BORCS5: variants seen among roughly 807,000 people sequenced by gnomAD.
BORCS5 encodes the protein BLOC-1 related complex subunit 5.
In BORCS5, 17 loss-of-function variants were observed where a neutral mutation model predicts 22.1. The observed-to-expected ratio is 0.77, with a 90% confidence interval of 0.53 to 1.15. BORCS5 has a LOEUF of 1.15. Ranked by LOEUF, BORCS5 falls within the 50% of genes most tolerant of loss-of-function variation. The pLI is 0.00. For synonymous variants in BORCS5, 117 were observed against 99.8 expected (o/e 1.17, Z -1.03); for missense variants, 247 against 253.2 (o/e 0.98, Z 0.17).
intron 2 of BORCS5, among the ~76,000 whole-genome samples, chr12:12,399,814 C>T (rs1267102934): frequency 2.0e-5 from 3 of 152,136 alleles, no homozygotes; most frequent in African/African-American, 7.2e-5. Flanking sequence ...CAGTTGTTTC[C>T]GTCATGACTT....
chr12:12,424,963 G>A (rs1041527919), intron 2 of BORCS5, among the ~76,000 whole-genome samples: 4 of 152,238 alleles, frequency 2.6e-5, no homozygotes, highest in South Asian at 2.1e-4. Flanking sequence ...TCACTTCAGC[G>A]TGAGTGGGAA....
chr12:12,456,299 C>T (rs1042768406), intron 3 of BORCS5, among the ~76,000 whole-genome samples: 1 of 152,180 alleles, frequency 6.6e-6, no homozygotes, highest in Admixed American at 6.5e-5. Flanking sequence ...GGCATGGTGG[C>T]ATGTGCCTGT....
At chr12:12,375,293 G>A (rs1248472344) in intron 2 of BORCS5, among the ~76,000 whole-genome samples, 3 of 152,216 alleles carry the variant, frequency 2.0e-5, no homozygotes, top group Non-Finnish European at 4.4e-5. Flanking sequence ...GATTATAGGC[G>A]TGAGCCACTG....
intron 2 of BORCS5, among the ~76,000 whole-genome samples, chr12:12,377,260 C>T (rs1863676341): frequency 6.6e-6 from 1 of 151,620 alleles, no homozygotes; most frequent in Non-Finnish European, 1.5e-5. Flanking sequence ...TCACTGCAAG[C>T]CCCGCCCCGC....
chr12:12,454,043 A>G (rs752626556), intron 3 of BORCS5, among the ~76,000 whole-genome samples: 3 of 152,178 alleles, frequency 2.0e-5, no homozygotes, highest in Non-Finnish European at 4.4e-5. Context: ...ACAATATTTT[A>G]TTCTATGAAT....
In BORCS5 at chr12:12,469,619, C is replaced by T. The variant is rs1565950713; in HGVS notation, c.*3843C>T. 6.6e-6 allele frequency: 1 copy of T among 152,206 alleles called. No individual in the cohort carries two copies. The highest frequency in any genetic ancestry group is 2.4e-5 in the African/African-American group (1 of 41,446). 9.4% of individuals were successfully genotyped at this position (152,206 alleles called of 1,614,324 possible). ...AACTTACTTAGCTTTGGCATTTCCC[C>T]TAGTAATTCCCAAGGCAAAACCAGG... On this transcript the variant is annotated 3_prime_UTR_variant, in exon 4 of 4. Coordinates refer to ENST00000314565, the MANE Select transcript of BORCS5 (RefSeq NM_058169.6).
In BORCS5 at chr12:12,357,475, G is replaced by A. The variant is rs200518572; in HGVS notation, c.24G>A (p.Glu8=). The A allele has an allele frequency of 6.8e-6, 11 of 1,611,220 alleles. No homozygotes were observed. The East Asian group carries it at 1.8e-4, about 26-fold the overall frequency. The part of the protein sequence containing the change: MGSEQSS[E]AESRPNDLNS... Reference sequence around the variant, plus strand: ...CCATGGGCAGTGAGCAGAGCTCCGAGGCCGAGAGCCGACCCAACGATCTGA... The same window carrying A: ...CCATGGGCAGTGAGCAGAGCTCCGAAGCCGAGAGCCGACCCAACGATCTGA... Residue 8 remains glutamate (E), a synonymous_variant, in exon 1 of 4, where the codon GAG becomes GAA. Transcript: ENST00000314565.
At chr12:12,369,086 T>A (rs1863466063) in intron 2 of BORCS5, among the ~76,000 whole-genome samples, 1 of 152,180 alleles carries the variant, frequency 6.6e-6, no homozygotes, top group Non-Finnish European at 1.5e-5. Flanking sequence ...GGTTATTCCA[T>A]TGGTTTCTAC....
At chr12:12,368,709 A>G (rs1253717636) in intron 2 of BORCS5, among the ~76,000 whole-genome samples, 2 of 151,622 alleles carry the variant, frequency 1.3e-5, no homozygotes, top group African/African-American at 2.4e-5. Flanking sequence ...CTCCCAGAGC[A>G]CTGAGATTAC....
rs1419872112 is a variant in BORCS5 at position 12,414,534 on chromosome 12, G to T, written c.203-21094G>T. ...GGGCAGAGGAGCCCCTCACCTCCCA[G>T]ACTGGGCGGCTGGCCGGGCGGGGGG... On this transcript the variant is annotated intron_variant, in intron 2 of 3. Transcript: ENST00000314565. Among the ~76,000 whole-genome samples the T allele has an allele frequency of 6.3e-5, 5 of 78,762 alleles. 1 individual carries two copies. Among genetic ancestry groups the T allele is most frequent in the Admixed American group, 1.0e-4 (1 of 9,718 alleles). The allele number at this position is 78,762 out of a possible 152,430, so 51.7% of individuals were successfully genotyped here.
At chr12:12,367,703 C>G (rs1431990428) in intron 2 of BORCS5, among the ~76,000 whole-genome samples, 1 of 152,220 alleles carries the variant, frequency 6.6e-6, no homozygotes, top group Non-Finnish European at 1.5e-5. Flanking sequence ...AGAACACCCT[C>G]ATCTTTTCCC....
rs538903964 is a variant in BORCS5 at position 12,404,207 on chromosome 12, T to C, written c.203-31421T>C. Among the ~76,000 whole-genome samples the C allele has an allele frequency of 1.1e-3, 167 of 152,246 alleles. 1 individual carries two copies. Among genetic ancestry groups the C allele is most frequent in the African/African-American group, 3.5e-3 (144 of 41,536 alleles). On this transcript the variant is annotated intron_variant, in intron 2 of 3. Transcript: ENST00000314565. ...AGAACTTTGCTTGGGGGAAATGAAA[T>C]GGAGGAACTAGGCACTTGAGCCTCT...
intron 1 of BORCS5, among the ~76,000 whole-genome samples, chr12:12,358,133 C>T (rs779172158): frequency 2.6e-5 from 4 of 152,212 alleles, no homozygotes; most frequent in African/African-American, 4.8e-5. Context: ...GTTTGCAATA[C>T]AGTGAGTGTT....
chr12:12,369,838 C>T (rs529087046), intron 2 of BORCS5, among the ~76,000 whole-genome samples: 2 of 148,394 alleles, frequency 1.3e-5, no homozygotes, highest in South Asian at 4.2e-4. Flanking sequence ...GATTCTTGTG[C>T]CTCAGCCTCC....
intron 2 of BORCS5, among the ~76,000 whole-genome samples, chr12:12,423,488 C>T (rs1158550976): frequency 8.9e-5 from 8 of 90,140 alleles, no homozygotes; most frequent in African/African-American, 3.4e-4. Flanking sequence ...CGCTTAATTT[C>T]TCCCTCATTT....
At chr12:12,412,900 CTTTTTT>C (rs869045354) in intron 2 of BORCS5, among the ~76,000 whole-genome samples, 201 of 74,204 alleles carry the variant, frequency 2.7e-3, no homozygotes, top group African/African-American at 6.6e-3. Flanking sequence ...TTGTGGTTTT[CTTTTTT>C]TTTTTTTTTT....
chr12:12,435,845 G>C, intron 3 of BORCS5, 60 bp downstream of exon 3: 2 of 1,529,698 alleles, frequency 1.3e-6, no homozygotes, highest in East Asian at 2.3e-5. Flanking sequence ...TGCAACTCTG[G>C]ATGCCATCTT....
rs115348538 is a variant in BORCS5, at chr12:12,370,204, G to A, written c.202+8855G>A. 2.5e-3 allele frequency among the ~76,000 whole-genome samples: 381 copies of A among 151,910 alleles called. 1 individual carries two copies. Among genetic ancestry groups the A allele is most frequent in the African/African-American group, 8.8e-3 (366 of 41,388 alleles). ...AAAATAACTATATATAGAATGTGAT[G>A]TTTACCCACATAGTTAACATTTCCA... On this transcript the variant is annotated intron_variant, in intron 2 of 3. Coordinates refer to ENST00000314565, the MANE Select transcript of BORCS5 (RefSeq NM_058169.6).
At chr12:12,436,597 C>T (rs1942559980) in intron 3 of BORCS5, among the ~76,000 whole-genome samples, 1 of 152,146 alleles carries the variant, frequency 6.6e-6, no homozygotes, top group African/African-American at 2.4e-5. Flanking sequence ...GTGAATGGCA[C>T]TCCCAGATTT....
Sources: allele counts gnomAD v4.1 joint callset (sites outside exome capture counted in the v4.1 genomes callset), GRCh38; gene constraint gnomAD v4.1.1; transcripts MANE v1.5; gene names NCBI Gene and HGNC (gene_info 2026-07-23, HGNC 2026-07-21).